EBF4: variants seen among roughly 807,000 people sequenced by gnomAD.
The protein encoded by EBF4 is transcription factor COE4.
Under a neutral mutation model 67.1 loss-of-function variants are expected in EBF4, and 34 were observed. That is an observed-to-expected ratio of 0.51 (90% CI 0.39 to 0.67). EBF4 has a LOEUF of 0.67. EBF4 is among the 30% of genes least tolerant of loss of function. The pLI is 0.00. For missense variants in EBF4, 837 were observed against 873.3 expected, an observed-to-expected ratio of 0.96 and a Z score of 0.52; for synonymous variants, 387 against 377.7, an observed-to-expected ratio of 1.02 and a Z score of -0.29.
exon 14 of EBF4, chr20:2,752,397 C>T: frequency 7.9e-7 from 1 of 1,263,400 alleles, no homozygotes; most frequent in Non-Finnish European, 9.9e-7. Context: ...CCCGCGGGTT[C>T]GCGCCCAGCC....
intron 12 of EBF4, 30 bp downstream of exon 12, chr20:2,752,017 C>T (rs1458570022): frequency 2.0e-6 from 3 of 1,533,320 alleles, no homozygotes; most frequent in African/African-American, 1.4e-5. Flanking sequence ...CCAGCGCCGC[C>T]GGGACCGGGG....
chr20:2,748,598 G>T (rs1555789108), exon 7 of EBF4: 2 of 1,551,608 alleles, frequency 1.3e-6, no homozygotes, highest in Non-Finnish European at 1.7e-6. Flanking sequence ...CCTGAAGAAT[G>T]CGGGGAATCC....
At chr20:2,714,328 T>TTC (rs763865795) in intron 6 of EBF4, among the ~76,000 whole-genome samples, 1 of 151,672 alleles carries the variant, frequency 6.6e-6, no homozygotes, top group Non-Finnish European at 1.5e-5. Flanking sequence ...CCTTCTCTCT[T>TTC]TCTCTCTCTC....
intron 6 of EBF4, among the ~76,000 whole-genome samples, chr20:2,724,503 T>C (rs558555307): frequency 6.6e-6 from 1 of 152,370 alleles, no homozygotes; most frequent in East Asian, 1.9e-4. Context: ...CTCACTTTTG[T>C]CTTTGTATGA....
intron 4 of EBF4, 56 bp downstream of exon 4, chr20:2,706,320 TC>T: frequency 6.5e-7 from 1 of 1,540,524 alleles, no homozygotes; most frequent in East Asian, 2.4e-5. Context: ...GGACCCTGCC[TC>T]CCCCTGGTCT....
At chr20:2,717,489 G>A (rs2087625439) in intron 6 of EBF4, among the ~76,000 whole-genome samples, 1 of 152,200 alleles carries the variant, frequency 6.6e-6, no homozygotes, top group Admixed American at 6.5e-5. Flanking sequence ...AAACACTGAA[G>A]AGATGAAGAA....
At chr20:2,709,575 C>A in exon 6 of EBF4, 2 of 1,552,834 alleles carry the variant, frequency 1.3e-6, no homozygotes, top group Non-Finnish European at 1.7e-6. Context: ...TTCCTTCAGC[C>A]GGTGCTGTGA....
intron 6 of EBF4, among the ~76,000 whole-genome samples, chr20:2,727,212 C>A (rs1177742009): frequency 6.6e-6 from 1 of 151,950 alleles, no homozygotes; most frequent in African/African-American, 2.4e-5. Flanking sequence ...ATACATACAT[C>A]GCATTGTATG....
chr20:2,705,900 T>C, intron 2 of EBF4, 74 bp from the exon 3 acceptor site: 1 of 1,505,464 alleles, frequency 6.6e-7, no homozygotes, highest in Non-Finnish European at 8.9e-7. Flanking sequence ...GAAGTTGGGG[T>C]TAGGAGAAGG....
Position 2,749,737 on chromosome 20 carries a change from T to A in EBF4, c.875T>A (p.Val292Glu), listed in dbSNP as rs1411790650. Residue 292 changes from valine (V) to glutamate (E), a missense_variant, in exon 9 of 17, where the codon GTG becomes GAG. Around this residue, in one of 3 missense-constraint regions of EBF4, gnomAD observed 525 missense variants for 496.5 expected, o/e 1.06. Transcript: ENST00000609451. ...GGGTTGCAGGTCGTGTTCGGAAACG[T>A]GCTCGTGTGGAGCGAGGTGGGCCAA... The A allele has an allele frequency of 5.8e-6, 9 of 1,547,062 alleles. No individual in the cohort carries two copies. In the East Asian group the frequency reaches 1.5e-4, roughly 25 times the overall value.
chr20:2,698,440 C>G (rs529134348), intron 1 of EBF4, among the ~76,000 whole-genome samples: 2 of 152,352 alleles, frequency 1.3e-5, no homozygotes, highest in East Asian at 3.9e-4. Context: ...AGGGGCTGGG[C>G]AGGGCCAGGC....
chr20:2,715,885 A>G (rs1211578196), intron 6 of EBF4, among the ~76,000 whole-genome samples: 1 of 152,008 alleles, frequency 6.6e-6, no homozygotes, highest in East Asian at 1.9e-4. Flanking sequence ...AGTAGCTGGG[A>G]TTACAGGCGC....
At chr20:2,737,580 C>G (rs1418615583) in intron 6 of EBF4, among the ~76,000 whole-genome samples, 2 of 152,026 alleles carry the variant, frequency 1.3e-5, no homozygotes, top group African/African-American at 4.8e-5. Flanking sequence ...TCATGCAGTG[C>G]CCAGCACAGT....
chr20:2,726,721 C>T (rs1600223168), intron 6 of EBF4, among the ~76,000 whole-genome samples: 1 of 152,218 alleles, frequency 6.6e-6, no homozygotes, highest in African/African-American at 2.4e-5. Flanking sequence ...GTTACACAAA[C>T]TTTACAATTA....
intron 6 of EBF4, among the ~76,000 whole-genome samples, chr20:2,716,280 A>G (rs2087608564): frequency 2.0e-5 from 3 of 150,638 alleles, no homozygotes; most frequent in Admixed American, 2.0e-4. Flanking sequence ...TAATCCCAGC[A>G]CTTTGGGAGG....
chr20:2,755,795 GC>G lies in EBF4; in HGVS notation c.1713del (p.Arg572GlufsTer?). On this transcript the variant is annotated frameshift_variant, in exon 15 of 17. Coordinates refer to ENST00000609451, the Ensembl canonical transcript of EBF4. LOFTEE classifies it high-confidence loss of function. The surrounding 1 kb of genome is among the most constrained non-coding windows in gnomAD (Gnocchi z 4.7). ...CCCCCAAGCTCCCCACCCCAGGCCTGCCCCAGAGCCCACGGAGAGGGGCTTC... is the reference window on the plus strand; with the variant it reads ...CCCCCAAGCTCCCCACCCCAGGCCTGCCCAGAGCCCACGGAGAGGGGCTTC... 6.5e-7 allele frequency: 1 copy of G among 1,548,998 alleles called. No individual in the cohort carries two copies.
At position 2,755,449 on chromosome 20, in the gene EBF4, C is replaced by T. The variant is rs543088648; in HGVS notation, c.1541-178C>T. 3.4e-4 allele frequency: 201 copies of T among 590,712 alleles called. No homozygotes were observed. The highest frequency in any genetic ancestry group is 3.1e-3 in the African/African-American group (164 of 53,606). The allele number at this position is 590,712 out of a possible 1,614,324, so 36.6% of individuals were successfully genotyped here. A position where few individuals can be genotyped will look rare whatever the true frequency, so the allele number is the denominator to read the frequency against. ...AGCCCCGAGAAAAGGTCTCCAGAAC[C>T]GCTGAGAGGTCAGGGCTGGCCCAGG... On this transcript the variant is annotated intron_variant, in intron 14 of 16. Coordinates refer to ENST00000609451, the Ensembl canonical transcript of EBF4. The surrounding 1 kb of genome is among the most constrained non-coding windows in gnomAD (Gnocchi z 4.7).
chr20:2,726,839 C>T (rs2087752855), intron 6 of EBF4, among the ~76,000 whole-genome samples: 2 of 151,962 alleles, frequency 1.3e-5, no homozygotes, highest in South Asian at 2.1e-4. Context: ...GAGTATGGTT[C>T]GGTAGTGTTA....
chr20:2,746,914 T>C (rs1479973689), intron 6 of EBF4, among the ~76,000 whole-genome samples: 1 of 152,196 alleles, frequency 6.6e-6, no homozygotes, highest in Non-Finnish European at 1.5e-5. Context: ...CCCTGCACTC[T>C]ACAGTTTGTA....
Sources: gnomAD v4.1 joint callset for allele counts (sites outside exome capture counted in the v4.1 genomes callset) on GRCh38, gnomAD v4.1.1 for gene constraint, gnomAD v4.1.1 regional missense constraint, Gnocchi (gnomAD v3.1) non-coding constraint, MANE v1.5 for transcripts, NCBI Gene and HGNC (gene_info 2026-07-23, HGNC 2026-07-21) for gene names.